TBC1D32: variants seen among roughly 807,000 people sequenced by gnomAD.
TBC1D32 encodes the protein protein broad-minded.
In TBC1D32, 151 loss-of-function variants were observed where a neutral mutation model predicts 170.3. The ratio of observed to expected loss-of-function variants is 0.89; its 90% confidence interval spans 0.78 to 1.01. The LOEUF (loss-of-function observed/expected upper bound fraction) is 1.01. TBC1D32 is among the 50% of genes least tolerant of loss of function. The probability of loss-of-function intolerance (pLI) is 0.00; values close to 1 mark genes in which losing one functional copy is unlikely to be tolerated. For synonymous variants in TBC1D32, 498 were observed against 488.0 expected (o/e 1.02, Z -0.27); for missense variants, 1,464 against 1,457.1 (o/e 1.00, Z -0.08).
intron 21 of TBC1D32, among the ~76,000 whole-genome samples, chr6:121,208,406 G>T (rs1163387162): frequency 6.6e-6 from 1 of 151,940 alleles, no homozygotes; most frequent in East Asian, 1.9e-4. Flanking sequence ...AGCAAAGTGG[G>T]GAAAAGCTCC....
At chr6:121,123,965 A>T (rs1949104066) in intron 26 of TBC1D32, among the ~76,000 whole-genome samples, 1 of 151,786 alleles carries the variant, frequency 6.6e-6, no homozygotes, top group Non-Finnish European at 1.5e-5. Context: ...AAAAACAAAC[A>T]AAAAAAACTA....
chr6:121,325,160 C>T (rs1043045291), intron 1 of TBC1D32, among the ~76,000 whole-genome samples: 4 of 147,814 alleles, frequency 2.7e-5, no homozygotes, highest in African/African-American at 7.6e-5. Flanking sequence ...TGCAGTGAGC[C>T]GAGATTGTGC....
chr6:121,278,829 G>C (rs1016452625), intron 15 of TBC1D32, among the ~76,000 whole-genome samples: 1 of 151,966 alleles, frequency 6.6e-6, no homozygotes, highest in African/African-American at 2.4e-5. Flanking sequence ...AACTAGAGGA[G>C]GAAGAAAAAA....
intron 20 of TBC1D32, among the ~76,000 whole-genome samples, chr6:121,233,572 C>A (rs1243014949): frequency 2.0e-5 from 3 of 152,110 alleles, no homozygotes; most frequent in Non-Finnish European, 4.4e-5. Context: ...TCTTTTTCCA[C>A]CCCTTTATCT....
chr6:121,188,866 G>C (rs1285370493), intron 22 of TBC1D32, among the ~76,000 whole-genome samples: 1 of 152,148 alleles, frequency 6.6e-6, no homozygotes, highest in Non-Finnish European at 1.5e-5. Context: ...ATAAATGTGG[G>C]CTCTGGGCTG....
intron 31 of TBC1D32, among the ~76,000 whole-genome samples, chr6:121,086,070 T>A (rs1457469983): frequency 6.6e-6 from 1 of 152,144 alleles, no homozygotes; most frequent in East Asian, 1.9e-4. Flanking sequence ...GCTTGTATTC[T>A]CTACATATCT....
chr6:121,149,471 C>G (rs1273713), intron 24 of TBC1D32, among the ~76,000 whole-genome samples: 25,572 of 152,102 alleles, frequency 0.17, 2,768 homozygotes, highest in African/African-American at 0.27. Flanking sequence ...CATTTTTTGG[C>G]ATATGGGGTC....
intron 17 of TBC1D32, among the ~76,000 whole-genome samples, chr6:121,254,231 T>C (rs1161104512): frequency 2.0e-5 from 3 of 151,980 alleles, no homozygotes; most frequent in Non-Finnish European, 4.4e-5. Context: ...ACTCTGCGGG[T>C]ACAGAAGGAA....
At chr6:121,130,048 T>A in intron 25 of TBC1D32, 1 of 348,584 alleles carries the variant, frequency 2.9e-6, no homozygotes, top group African/African-American at 2.2e-5. Flanking sequence ...AAGAAGACTC[T>A]TATATAAGAA....
intron 30 of TBC1D32, among the ~76,000 whole-genome samples, chr6:121,095,678 C>CTAT (rs1777316629): frequency 6.6e-6 from 1 of 152,090 alleles, no homozygotes; most frequent in African/African-American, 2.4e-5. Flanking sequence ...TTTACTGCAC[C>CTAT]TATTGAGATA....
intron 15 of TBC1D32, among the ~76,000 whole-genome samples, chr6:121,269,179 C>T (rs917828369): frequency 2.0e-5 from 3 of 152,092 alleles, no homozygotes; most frequent in African/African-American, 4.8e-5. Context: ...TACAGACCAT[C>T]GAGGCTCGGA....
intron 24 of TBC1D32, 82 bp from the exon 25 acceptor site, chr6:121,131,834 T>G (rs1781474752): frequency 9.0e-7 from 1 of 1,108,138 alleles, no homozygotes; most frequent in East Asian, 2.7e-5. Context: ...TGTAAACAGT[T>G]GAAAATTCCA....
At position 121,106,035 on chromosome 6, in the gene TBC1D32, A is replaced by T; in HGVS notation, c.3453T>A (p.Phe1151Leu). 1 of 1,607,224 alleles carries T rather than the reference A, an allele frequency of 6.2e-7. No homozygotes were observed. The highest frequency in any genetic ancestry group is 8.5e-7 in the Non-Finnish European group (1 of 1,175,330). The change falls in exon 30 of 32, where the codon TTT (phenylalanine) becomes TTA (leucine). Residue 1151 changes from phenylalanine to leucine, a missense_variant. By Grantham distance (22) the Phe-to-Leu change is conservative. This residue lies in a region of TBC1D32 where 1,363 missense variants were observed against 1,338.1 expected (regional missense o/e 1.02). Transcript: ENST00000398212. Reference sequence around the variant, plus strand: ...CCTTATGGATTACCTGTGATGGTGCAAAACCAGACATGTGAAAAGCTGAAA... The same window carrying T: ...CCTTATGGATTACCTGTGATGGTGCTAAACCAGACATGTGAAAAGCTGAAA... ...LVFSAFHMSG[F>L]APSQICLQWI...
rs556017013 is a variant in TBC1D32, at chr6:121,129,402, G to A, written c.2899+2225C>T. Among the ~76,000 whole-genome samples the A allele has an allele frequency of 2.5e-4, 38 of 152,242 alleles. No individual in the cohort carries two copies. In the South Asian group the frequency reaches 7.5e-3, roughly 30 times the overall value. ...ATTCAGTAGGTTAGGTATGTTAAAC[G>A]CATTTTCAACTTATGATGCATTTAT... is the stretch of plus-strand genomic sequence containing the variant. On this transcript the variant is annotated intron_variant, in intron 25 of 31. Transcript: ENST00000398212.
chr6:121,277,487 CAA>C (rs755504493), intron 15 of TBC1D32, among the ~76,000 whole-genome samples: 17 of 28,212 alleles, frequency 6.0e-4, no homozygotes, highest in Middle Eastern at 0.062. Context: ...GACTCCATCT[CAA>C]AAAAAAAAAA....
intron 20 of TBC1D32, among the ~76,000 whole-genome samples, chr6:121,223,580 T>C (rs1794757903): frequency 6.6e-6 from 1 of 152,184 alleles, no homozygotes; most frequent in Non-Finnish European, 1.5e-5. Flanking sequence ...CATACATACA[T>C]GAAATTTGGA....
At chr6:121,101,497 C>T (rs1290679) in intron 30 of TBC1D32, among the ~76,000 whole-genome samples, 96,943 of 151,984 alleles carry the variant, frequency 0.64, 33,958 homozygotes, top group East Asian at 0.98. Flanking sequence ...CACATGGTTA[C>T]CTCAATAGAT....
At chr6:121,201,850 T>G (rs1236450466) in intron 22 of TBC1D32, among the ~76,000 whole-genome samples, 1 of 151,364 alleles carries the variant, frequency 6.6e-6, no homozygotes, top group Admixed American at 6.6e-5. Context: ...TTTTCTGCAT[T>G]GGTTAATTTA....
chr6:121,116,496 A>G (rs1203867956), intron 26 of TBC1D32, among the ~76,000 whole-genome samples: 1 of 152,198 alleles, frequency 6.6e-6, no homozygotes, highest in Admixed American at 6.5e-5. Flanking sequence ...TTTAAGTTGA[A>G]CCTTAACATA....
Sources: allele counts gnomAD v4.1 joint callset (sites outside exome capture counted in the v4.1 genomes callset), GRCh38; gene constraint gnomAD v4.1.1; regional missense constraint gnomAD v4.1.1; transcripts MANE v1.5; gene names NCBI Gene and HGNC (gene_info 2026-07-23, HGNC 2026-07-21).